The following MEGF11 variants were observed in gnomAD, a reference collection of about 807,000 sequenced individuals.
MEGF11 encodes multiple epidermal growth factor-like domains protein 11.
Under a neutral mutation model 146.6 loss-of-function variants are expected in MEGF11, and 126 were observed. The ratio of observed to expected loss-of-function variants is 0.86; its 90% CI spans 0.74 to 1.00. The LOEUF (loss-of-function observed/expected upper bound fraction) is 1.00, where lower values mean the gene tolerates loss of function less well. Ranked by LOEUF, MEGF11 falls within the 50% of genes least tolerant of loss-of-function variation. MEGF11 has a pLI of 0.00. For missense variants in MEGF11, 1,509 were observed against 1,521.2 expected, an observed-to-expected ratio of 0.99 and a Z score of 0.13; for synonymous variants, 532 against 583.4, an observed-to-expected ratio of 0.91 and a Z score of 1.27.
intron 9 of MEGF11, among the ~76,000 whole-genome samples, chr15:65,964,483 T>C (rs2080985910): frequency 6.6e-6 from 1 of 151,606 alleles, no homozygotes; most frequent in East Asian, 2.0e-4. Flanking sequence ...CTGGTGCCCG[T>C]GTCTCTGGTT....
chr15:66,072,280 G>C (rs1414908864), intron 5 of MEGF11, among the ~76,000 whole-genome samples: 2 of 152,156 alleles, frequency 1.3e-5, no homozygotes, highest in African/African-American at 4.8e-5. Flanking sequence ...CGAACACAAA[G>C]CTCCCCTAGT....
At chr15:66,222,377 A>G (rs2091758752) in intron 1 of MEGF11, among the ~76,000 whole-genome samples, 1 of 150,986 alleles carries the variant, frequency 6.6e-6, no homozygotes, top group South Asian at 2.1e-4. Context: ...CCTCAAACCT[A>G]CTCTCCCCCA....
chr15:65,912,706 T>G (rs1357031549), intron 20 of MEGF11, among the ~76,000 whole-genome samples: 3 of 152,036 alleles, frequency 2.0e-5, no homozygotes, highest in Non-Finnish European at 2.9e-5. Flanking sequence ...TAGAAGAAAA[T>G]CCCCAAATCT....
chr15:66,139,378 T>A (rs2089039783), intron 1 of MEGF11, among the ~76,000 whole-genome samples: 1 of 152,232 alleles, frequency 6.6e-6, no homozygotes, highest in Non-Finnish European at 1.5e-5. Context: ...TTAGTCGTTG[T>A]GTATTTCAGT....
At chr15:66,130,980 G>T (rs551615742) in intron 1 of MEGF11, among the ~76,000 whole-genome samples, 2 of 152,288 alleles carry the variant, frequency 1.3e-5, no homozygotes, top group South Asian at 4.1e-4. Context: ...AACATATTGG[G>T]CACCATCTGA....
At chr15:65,987,319 C>A (rs2081897927) in intron 5 of MEGF11, among the ~76,000 whole-genome samples, 1 of 152,008 alleles carries the variant, frequency 6.6e-6, no homozygotes, top group Non-Finnish European at 1.5e-5. Flanking sequence ...AAACAGCCAC[C>A]CTTGAAAATC....
intron 9 of MEGF11, among the ~76,000 whole-genome samples, chr15:65,958,491 G>A (rs970781117): frequency 2.6e-5 from 4 of 152,096 alleles, no homozygotes; most frequent in East Asian, 1.9e-4. Context: ...GAACTTCTGC[G>A]GGAGCATAAT....
At chr15:66,112,383 G>A (rs994123566) in intron 4 of MEGF11, among the ~76,000 whole-genome samples, 1 of 152,136 alleles carries the variant, frequency 6.6e-6, no homozygotes, top group Non-Finnish European at 1.5e-5. Context: ...CACCAGACAG[G>A]TTAATTAGCA....
rs71139451 is a variant in MEGF11 at position 65,955,823 on chromosome 15, A to AATATATATAAATATATAT, written c.1287+1723_1287+1724insATATATATTTATATATAT. On this transcript the variant is annotated intron_variant, in intron 10 of 25. Coordinates refer to ENST00000395614, the MANE Select transcript of MEGF11 (RefSeq NM_001385028.1). ...ACACACACACACACACAATACTTTA[A>AATATATATAAATATATAT]ATATATAACATGTAATCAATATAAC... 6.6e-3 allele frequency among the ~76,000 whole-genome samples: 267 copies of AATATATATAAATATATAT among 40,164 alleles called. 8 individuals carry two copies. Among genetic ancestry groups the AATATATATAAATATATAT allele is most frequent in the African/African-American group, 0.021 (216 of 10,078 alleles). 26.3% of individuals were successfully genotyped at this position (40,164 alleles called of 152,430 possible).
chr15:66,040,009 G>A (rs1183396884), intron 5 of MEGF11, among the ~76,000 whole-genome samples: 1 of 151,182 alleles, frequency 6.6e-6, no homozygotes, highest in African/African-American at 2.4e-5. Context: ...GCGGCGGTGG[G>A]GTGACGGTCA....
chr15:66,039,958 G>A (rs552065273), intron 5 of MEGF11, among the ~76,000 whole-genome samples: 1 of 117,890 alleles, frequency 8.5e-6, no homozygotes, highest in Non-Finnish European at 1.8e-5. Context: ...GTCCTGAGCC[G>A]GGTCAGGCGG....
At chr15:65,990,712 G>GGAGA (rs2082014935) in intron 5 of MEGF11, among the ~76,000 whole-genome samples, 1 of 147,942 alleles carries the variant, frequency 6.8e-6, no homozygotes, top group Non-Finnish European at 1.5e-5. Context: ...AGAAAGGAAG[G>GGAGA]AAGAAAGAAA....
At chr15:66,221,652 A>G (rs2091741436) in intron 1 of MEGF11, among the ~76,000 whole-genome samples, 1 of 150,658 alleles carries the variant, frequency 6.6e-6, no homozygotes, top group South Asian at 2.1e-4. Context: ...TTCTGTCCAT[A>G]TTTTGTCTGA....
At chr15:66,190,899 G>A (rs926961695) in intron 1 of MEGF11, among the ~76,000 whole-genome samples, 1 of 152,190 alleles carries the variant, frequency 6.6e-6, no homozygotes, top group East Asian at 1.9e-4. Context: ...AAGCAGGTGA[G>A]ATAAAATAAA....
At chr15:66,113,813 G>A (rs1184633505) in intron 4 of MEGF11, among the ~76,000 whole-genome samples, 2 of 152,000 alleles carry the variant, frequency 1.3e-5, no homozygotes, top group Admixed American at 6.6e-5. Flanking sequence ...CCCGGGAGGC[G>A]GAGCTTGCAG....
At chr15:65,954,576 C>T (rs542726924) in intron 10 of MEGF11, among the ~76,000 whole-genome samples, 12 of 152,324 alleles carry the variant, frequency 7.9e-5, no homozygotes, top group South Asian at 4.1e-4. Context: ...GATGGGAATT[C>T]GCTGGGTCTC....
intron 10 of MEGF11, among the ~76,000 whole-genome samples, chr15:65,931,200 A>C (rs779081845): frequency 6.6e-5 from 10 of 152,190 alleles, no homozygotes; most frequent in Non-Finnish European, 1.0e-4. Flanking sequence ...AAAGATGACC[A>C]AAGAAGGTAG....
intron 1 of MEGF11, among the ~76,000 whole-genome samples, chr15:66,233,857 G>C (rs1041756700): frequency 6.6e-6 from 1 of 152,070 alleles, no homozygotes; most frequent in Admixed American, 6.5e-5. Flanking sequence ...CTTCTGGGGA[G>C]AGTGTCCTTG....
chr15:66,011,770 A>G (rs1375178185), intron 5 of MEGF11, among the ~76,000 whole-genome samples: 6 of 149,640 alleles, frequency 4.0e-5, no homozygotes, highest in Admixed American at 4.0e-4. Context: ...ATGGCCAACA[A>G]TGGGGAACTG....
Sources: allele counts gnomAD v4.1 joint callset (sites outside exome capture counted in the v4.1 genomes callset), GRCh38; gene constraint gnomAD v4.1.1; transcripts MANE v1.5; gene names NCBI Gene and HGNC (gene_info 2026-07-23, HGNC 2026-07-21).